The following PLCL1 variants were observed in gnomAD, a reference collection of about 807,000 sequenced individuals.
PLCL1 encodes phospholipase C like 1 (inactive).
A neutral mutation model predicts 84.4 loss-of-function variants in PLCL1; 41 were observed. The observed-to-expected ratio is 0.49, with a 90% CI of 0.38 to 0.63. The LOEUF (loss-of-function observed/expected upper bound fraction) is 0.63. Ranked by LOEUF, PLCL1 falls within the 30% of genes least tolerant of loss-of-function variation. PLCL1 has a pLI of 0.00. For missense variants in PLCL1, 1,206 were observed against 1,367.8 expected, an observed-to-expected ratio of 0.88 and a Z score of 1.87; for synonymous variants, 490 against 488.3, an observed-to-expected ratio of 1.00 and a Z score of -0.05.
intron 1 of PLCL1, among the ~76,000 whole-genome samples, chr2:197,807,219 C>A (rs1690503939): frequency 6.6e-6 from 1 of 152,186 alleles, no homozygotes; most frequent in Non-Finnish European, 1.5e-5. Context: ...ACTCCACATT[C>A]CCACTTATGT....
chr2:197,895,436 A>T (rs2105730366), intron 1 of PLCL1, among the ~76,000 whole-genome samples: 1 of 152,054 alleles, frequency 6.6e-6, no homozygotes, highest in East Asian at 1.9e-4. Flanking sequence ...ATATAAAGCA[A>T]ATTTCCATAT....
At chr2:198,009,985 T>G (rs1690828794) in intron 1 of PLCL1, among the ~76,000 whole-genome samples, 1 of 152,030 alleles carries the variant, frequency 6.6e-6, no homozygotes, top group Admixed American at 6.6e-5. Context: ...CAGATTGGTC[T>G]TGTTAATGTA....
At chr2:198,136,127 A>T (rs1259589401) in intron 5 of PLCL1, among the ~76,000 whole-genome samples, 1 of 152,066 alleles carries the variant, frequency 6.6e-6, no homozygotes, top group African/African-American at 2.4e-5. Context: ...AAGTTTCAAG[A>T]TGTTTTTGTT....
intron 1 of PLCL1, among the ~76,000 whole-genome samples, chr2:197,967,906 G>C (rs946047925): frequency 4.6e-5 from 7 of 152,074 alleles, no homozygotes. Flanking sequence ...TTGTCATCTT[G>C]GGTGACTTTT....
chr2:197,852,844 TC>T (rs1485718082), intron 1 of PLCL1, among the ~76,000 whole-genome samples: 2 of 152,156 alleles, frequency 1.3e-5, no homozygotes, highest in Non-Finnish European at 2.9e-5. Flanking sequence ...TCTATGTCTG[TC>T]TATCTGTATA....
At chr2:197,842,469 A>G (rs1487872590) in intron 1 of PLCL1, among the ~76,000 whole-genome samples, 1 of 152,062 alleles carries the variant, frequency 6.6e-6, no homozygotes, top group Non-Finnish European at 1.5e-5. Flanking sequence ...CAAAATTGCC[A>G]TCCCCCATCA....
intron 1 of PLCL1, among the ~76,000 whole-genome samples, chr2:198,043,479 A>C (rs1691715061): frequency 1.3e-5 from 2 of 152,206 alleles, no homozygotes; most frequent in South Asian, 4.1e-4. Flanking sequence ...CACTTCATGC[A>C]GTTACAAAAT....
chr2:197,957,750 G>A (rs905228762), intron 1 of PLCL1, among the ~76,000 whole-genome samples: 2 of 151,948 alleles, frequency 1.3e-5, no homozygotes, highest in Non-Finnish European at 2.9e-5. Flanking sequence ...TACTTTTTAT[G>A]CCAAATGCCT....
At chr2:197,914,892 G>A (rs1688561554) in intron 1 of PLCL1, among the ~76,000 whole-genome samples, 1 of 152,168 alleles carries the variant, frequency 6.6e-6, no homozygotes, top group Admixed American at 6.5e-5. Flanking sequence ...TGAACAGGAG[G>A]CTCTGCAATA....
chr2:197,993,358 T>C (rs1375318592), intron 1 of PLCL1, among the ~76,000 whole-genome samples: 1 of 152,148 alleles, frequency 6.6e-6, no homozygotes, highest in Non-Finnish European at 1.5e-5. Context: ...ATTAGATTGT[T>C]TGTTTTTGTT....
intron 3 of PLCL1, among the ~76,000 whole-genome samples, chr2:198,094,154 T>C (rs1013595881): frequency 2.0e-5 from 3 of 152,106 alleles, no homozygotes; most frequent in Non-Finnish European, 4.4e-5. Context: ...CTCCGCCTCC[T>C]GGGTTCATGC....
At chr2:198,086,839 T>C (rs1458303544) in intron 2 of PLCL1, among the ~76,000 whole-genome samples, 1 of 152,130 alleles carries the variant, frequency 6.6e-6, no homozygotes, top group Non-Finnish European at 1.5e-5. Flanking sequence ...GGGAACCAAG[T>C]AGAATATACA....
chr2:197,998,669 C>T (rs897586257), intron 1 of PLCL1, among the ~76,000 whole-genome samples: 1 of 152,148 alleles, frequency 6.6e-6, no homozygotes, highest in Non-Finnish European at 1.5e-5. Flanking sequence ...CTACATAGAA[C>T]CTCCACAGGC....
intron 1 of PLCL1, among the ~76,000 whole-genome samples, chr2:197,967,691 A>G (rs189477713): frequency 3.7e-4 from 56 of 152,354 alleles, no homozygotes; most frequent in African/African-American, 1.3e-3. Flanking sequence ...CATAAATGAA[A>G]AGGTAAGAAA....
chr2:198,139,741 G>T (rs911764103), intron 5 of PLCL1, among the ~76,000 whole-genome samples: 1 of 152,082 alleles, frequency 6.6e-6, no homozygotes, highest in Non-Finnish European at 1.5e-5. Context: ...TACAGTAATT[G>T]TTTAATAAAT....
At chr2:197,980,745 C>T (rs1690088240) in intron 1 of PLCL1, among the ~76,000 whole-genome samples, 1 of 152,124 alleles carries the variant, frequency 6.6e-6, no homozygotes, top group Non-Finnish European at 1.5e-5. Context: ...TAAAAATGAT[C>T]ATAGCTAATA....
chr2:197,805,675 G>A lies in PLCL1; in HGVS notation c.240+336G>A, dbSNP rs1197411105. ...AACTCTGGATAAATGCAGACCCACC[G>A]GATGGTTGTGCATTGCTTTCCAATG... On this transcript the variant is annotated intron_variant, in intron 1 of 5. Coordinates refer to ENST00000428675, the MANE Select transcript of PLCL1 (RefSeq NM_006226.4). The surrounding 1 kb of genome is among the most constrained non-coding windows in gnomAD (Gnocchi z 4.0). 1.3e-5 allele frequency among the ~76,000 whole-genome samples: 2 copies of A among 152,152 alleles called. No homozygotes were observed. The highest frequency in any genetic ancestry group is 2.9e-5 in the Non-Finnish European group (2 of 68,018).
At chr2:198,018,622 G>A (rs1021956478) in intron 1 of PLCL1, among the ~76,000 whole-genome samples, 2 of 152,146 alleles carry the variant, frequency 1.3e-5, no homozygotes, top group Non-Finnish European at 2.9e-5. Flanking sequence ...CTGGAAGTTC[G>A]GACTGTGTGG....
intron 1 of PLCL1, among the ~76,000 whole-genome samples, chr2:197,899,546 T>C (rs1688220310): frequency 6.6e-6 from 1 of 152,246 alleles, no homozygotes; most frequent in South Asian, 2.1e-4. Flanking sequence ...TATAATCTGA[T>C]GGGCTATAGA....
Sources: gnomAD v4.1 joint callset for allele counts (sites outside exome capture counted in the v4.1 genomes callset) on GRCh38, gnomAD v4.1.1 for gene constraint, Gnocchi (gnomAD v3.1) non-coding constraint, MANE v1.5 for transcripts, NCBI Gene and HGNC (gene_info 2026-07-23, HGNC 2026-07-21) for gene names.